Variants in TRIM45 observed in about 807,000 individuals in gnomAD.
The protein encoded by TRIM45 is tripartite motif containing 45.
Under a neutral mutation model 46.7 loss-of-function variants are expected in TRIM45, and 45 were observed. The observed-to-expected ratio is 0.96, with a 90% confidence interval of 0.76 to 1.24. TRIM45 has a LOEUF of 1.24. TRIM45 is among the 50% of genes most tolerant of loss of function. TRIM45 has a pLI of 0.00. For missense variants in TRIM45, 680 were observed against 728.4 expected, an observed-to-expected ratio of 0.93 and a Z score of 0.77; for synonymous variants, 259 against 285.8, an observed-to-expected ratio of 0.91 and a Z score of 0.94.
intron 5 of TRIM45, among the ~76,000 whole-genome samples, chr1:117,112,990 C>T (rs1650275393): frequency 6.6e-6 from 1 of 152,152 alleles, no homozygotes; most frequent in African/African-American, 2.4e-5. Context: ...TAATCATCCA[C>T]TCCCCTAGCC....
chr1:117,119,247 T>C (rs1435681490), intron 1 of TRIM45, among the ~76,000 whole-genome samples: 1 of 152,234 alleles, frequency 6.6e-6, no homozygotes, highest in Non-Finnish European at 1.5e-5. Context: ...GCATTTCTGT[T>C]GACCTGTATC....
upstream of TRIM45, chr1:117,122,001 T>C: frequency 3.5e-6 from 2 of 568,130 alleles, no homozygotes; most frequent in Non-Finnish European, 6.4e-6. Context: ...GCGAGCGGCA[T>C]AGTGTAGTCA....
chr1:117,116,533 C>A lies in TRIM45; in HGVS notation c.1352+83G>T. ...GGATTACAGGCATGAGCCACTGTGC[C>A]CAGCTCCAATATCTTAAAGGACCTC... On this transcript the variant is annotated intron_variant, in intron 3 of 5. Transcript: ENST00000256649. The surrounding 1 kb of genome is among the most constrained non-coding windows in gnomAD (Gnocchi z 4.6). The A allele has an allele frequency of 6.4e-7, 1 of 1,554,192 alleles. No individual in the cohort carries two copies. Among genetic ancestry groups the A allele is most frequent in the Non-Finnish European group, 8.7e-7 (1 of 1,144,940 alleles).
At position 117,117,975 on chromosome 1, in the gene TRIM45, T is replaced by C. The variant is rs1019622537; in HGVS notation, c.1222+59A>G. ...TTCCTAGCAGAACAAGCCACCAATCTTCACACACCACCTCCCTGTCCACTG... is the reference window on the plus strand; with the variant it reads ...TTCCTAGCAGAACAAGCCACCAATCCTCACACACCACCTCCCTGTCCACTG... On this transcript the variant is annotated intron_variant, in intron 2 of 5. Transcript: ENST00000256649. The surrounding 1 kb of genome is among the most constrained non-coding windows in gnomAD (Gnocchi z 4.9). 76 of 1,564,018 alleles carry C rather than the reference T, an allele frequency of 4.9e-5. No homozygotes were observed. The highest frequency in any genetic ancestry group is 6.1e-5 in the Non-Finnish European group (70 of 1,155,002).
intron 1 of TRIM45, 29 bp downstream of exon 1, chr1:117,120,685 C>T: frequency 6.4e-7 from 1 of 1,566,668 alleles, no homozygotes; most frequent in South Asian, 1.2e-5. Flanking sequence ...TGCTCTTAAG[C>T]TACACCTGAT....
intron 4 of TRIM45, among the ~76,000 whole-genome samples, chr1:117,114,256 C>G (rs1650320252): frequency 6.6e-6 from 1 of 152,308 alleles, no homozygotes; most frequent in South Asian, 2.1e-4. Context: ...CCCATCTGCC[C>G]CCTTTCCTTT....
At position 117,113,492 on chromosome 1, in the gene TRIM45, T is replaced by G; in HGVS notation, c.1468-7A>C. The G allele has an allele frequency of 6.2e-7, 1 of 1,611,882 alleles. No homozygotes were observed. Among genetic ancestry groups the G allele is most frequent in the Non-Finnish European group, 8.5e-7 (1 of 1,179,478 alleles). On this transcript the variant is annotated splice_polypyrimidine_tract_variant and splice_region_variant and intron_variant, in intron 4 of 5. Coordinates refer to ENST00000256649, the MANE Select transcript of TRIM45 (RefSeq NM_025188.4). This position sits in a 1 kb window ranked among gnomAD's most constrained non-coding sequence, Gnocchi z 4.0. The stretch of plus-strand genomic sequence containing the variant: ...TCACAGTGAATGGCGAGCCCTGCAG[T>G]GTTCAGACCAAAAGCAATGAACAGC...
chr1:117,114,619 T>A (rs538299783), intron 4 of TRIM45, among the ~76,000 whole-genome samples: 2 of 152,360 alleles, frequency 1.3e-5, no homozygotes, highest in South Asian at 4.1e-4. Flanking sequence ...CAACTTGGCA[T>A]TCAAAGAAAT....
In TRIM45 at chr1:117,118,515, G is replaced by A. The variant is rs145501698; in HGVS notation, c.741C>T (p.Pro247=). 3.9e-4 allele frequency: 631 copies of A among 1,614,148 alleles called. 2 individuals are homozygous for A. The African/African-American group carries it at 7.5e-3, about 19-fold the overall frequency. ...SVWELLKGTQ[P]HVEALEEALA... ...GGGCTTCCTCCAGGGCCTCCACGTG[G>A]GGCTGAGTACCTTTGAGGAGCTCCC... The change falls in exon 2 of 6, where the codon CCC becomes CCT. Residue 247 remains proline (P), a synonymous_variant. Coordinates refer to ENST00000256649, the MANE Select transcript of TRIM45 (RefSeq NM_025188.4). The surrounding 1 kb of genome is among the most constrained non-coding windows in gnomAD (Gnocchi z 5.7).
rs1650289544 is a variant in TRIM45, at chr1:117,113,363, C to T, written c.1590G>A (p.Met530Ile). ...AGGGTAGTGCTTTCTCCTTACCTGG[C>T]ATGGTGCCTCCACAGGCGCAGCGAG... The part of the protein sequence containing the change: ...KTARCACGGT[M>I]PGGYLGCGHG... Residue 530 changes from methionine to isoleucine, a missense_variant, in exon 5 of 6, where the codon ATG (methionine) becomes ATA (isoleucine). Physicochemically the swap from Met to Ile is conservative, Grantham distance 10. Coordinates refer to ENST00000256649, the MANE Select transcript of TRIM45 (RefSeq NM_025188.4). This position sits in a 1 kb window ranked among gnomAD's most constrained non-coding sequence, Gnocchi z 4.0. The T allele has an allele frequency of 1.2e-6, 2 of 1,612,042 alleles. No individual in the cohort carries two copies. The highest frequency in any genetic ancestry group is 1.7e-6 in the Non-Finnish European group (2 of 1,179,834).
chr1:117,121,621 TA>T lies in TRIM45; in HGVS notation c.-421del, dbSNP rs1272182649. On this transcript the variant is annotated 5_prime_UTR_variant, in exon 1 of 6. Transcript: ENST00000256649. The surrounding 1 kb of genome is among the most constrained non-coding windows in gnomAD (Gnocchi z 4.2). ...CCGACCCCACCCGCGCACGATGAGG[TA>T]GGGGCCCTCTTGCTCCTTCCCTCTG... The T allele has an allele frequency of 9.7e-6, 4 of 412,046 alleles. No homozygotes were observed. The highest frequency in any genetic ancestry group is 1.8e-5 in the Non-Finnish European group (4 of 228,564). The allele number at this position is 412,046 out of a possible 1,614,324, so 25.5% of individuals were successfully genotyped here. A position where few individuals can be genotyped will look rare whatever the true frequency, so the allele number is the denominator to read the frequency against.
At position 117,115,693 on chromosome 1, in the gene TRIM45, A is replaced by G. The variant is rs1650374766; in HGVS notation, c.1353-4T>C. 6.2e-7 allele frequency: 1 copy of G among 1,607,094 alleles called. No homozygotes were observed. Among genetic ancestry groups the G allele is most frequent in the Non-Finnish European group, 8.5e-7 (1 of 1,173,682 alleles). On this transcript the variant is annotated splice_region_variant and splice_polypyrimidine_tract_variant and intron_variant, in intron 3 of 5. Coordinates refer to ENST00000256649, the MANE Select transcript of TRIM45 (RefSeq NM_025188.4). This position sits in a 1 kb window ranked among gnomAD's most constrained non-coding sequence, Gnocchi z 4.2. ...CTGGACCATTGTTCTGACTGGGCTG[A>G]ATGGAGATAAGAGTCAAAACACCAC...
chr1:117,112,835 T>C (rs1650270539), intron 5 of TRIM45, among the ~76,000 whole-genome samples: 1 of 152,210 alleles, frequency 6.6e-6, no homozygotes, highest in Non-Finnish European at 1.5e-5. Context: ...CAAGTGTTTA[T>C]ACAGAAGGAT....
At chr1:117,122,273 C>G (rs953610560), upstream of TRIM45, 2 of 157,938 alleles carry the variant, frequency 1.3e-5, no homozygotes, top group African/African-American at 2.4e-5. Context: ...GGGTTTGAGG[C>G]TGCGAGGCTC....
Position 117,113,586 on chromosome 1 carries a change from T to A in TRIM45, c.1468-101A>T. 6.9e-7 allele frequency: 1 copy of A among 1,445,922 alleles called. No homozygotes were observed. The highest frequency in any genetic ancestry group is 1.4e-5 in the South Asian group (1 of 72,346). The allele number at this position is 1,445,922 out of a possible 1,614,324, so 89.6% of individuals were successfully genotyped here. A position where few individuals can be genotyped will look rare whatever the true frequency, so the allele number is the denominator to read the frequency against. ...AACAGAGTCTGAGGCACAGGGCCTG[T>A]CCTTGGATGGACAAGGACAACAGGA... On this transcript the variant is annotated intron_variant, in intron 4 of 5. Coordinates refer to ENST00000256649, the MANE Select transcript of TRIM45 (RefSeq NM_025188.4). This position sits in a 1 kb window ranked among gnomAD's most constrained non-coding sequence, Gnocchi z 4.0.
At chr1:117,122,214 C>T (rs1650678610), upstream of TRIM45, 1 of 175,002 alleles carries the variant, frequency 5.7e-6, no homozygotes, top group Non-Finnish European at 1.2e-5. Flanking sequence ...GTTTTTCGGG[C>T]TCCCGAGGTC....
chr1:117,114,187 A>G (rs1364657444), intron 4 of TRIM45, among the ~76,000 whole-genome samples: 2 of 152,248 alleles, frequency 1.3e-5, no homozygotes, highest in Admixed American at 1.3e-4. Flanking sequence ...CTGTAAAGAC[A>G]TATGGAAGGG....
Position 117,112,268 on chromosome 1 carries a change from TGCTGCCTGCA to T in TRIM45, c.*27_*36del. ...TGGGTCCTCTGGAAATCTCAAGTGG[TGCTGCCTGCA>T]GCTTTAAAAGGCTGAGCACAAACCC... On this transcript the variant is annotated 3_prime_UTR_variant, in exon 6 of 6. Transcript: ENST00000256649. 1 of 1,501,576 alleles carries T rather than the reference TGCTGCCTGCA, an allele frequency of 6.7e-7. No individual in the cohort carries two copies. Among genetic ancestry groups the T allele is most frequent in the South Asian group, 1.4e-5 (1 of 71,642 alleles). 93.0% of individuals were successfully genotyped at this position (1,501,576 alleles called of 1,614,324 possible). A position where few individuals can be genotyped will look rare whatever the true frequency, so the allele number is the denominator to read the frequency against.
Position 117,121,247 on chromosome 1 carries a change from C to A in TRIM45, c.-46G>T. 1 of 1,502,860 alleles carries A rather than the reference C, an allele frequency of 6.7e-7. No homozygotes were observed. The highest frequency in any genetic ancestry group is 8.8e-7 in the Non-Finnish European group (1 of 1,134,576). The allele number at this position is 1,502,860 out of a possible 1,614,324, so 93.1% of individuals were successfully genotyped here. On this transcript the variant is annotated 5_prime_UTR_variant, in exon 1 of 6. Coordinates refer to ENST00000256649, the MANE Select transcript of TRIM45 (RefSeq NM_025188.4). The surrounding 1 kb of genome is among the most constrained non-coding windows in gnomAD (Gnocchi z 4.2). ...ATATTAGAAAGGGCCCTGGGCAGTT[C>A]TACGATTTAGTAGCAGGTGATTAAG...
Sources: gnomAD v4.1 joint callset for allele counts (sites outside exome capture counted in the v4.1 genomes callset) on GRCh38, gnomAD v4.1.1 for gene constraint, Gnocchi (gnomAD v3.1) non-coding constraint, MANE v1.5 for transcripts, NCBI Gene and HGNC (gene_info 2026-07-23, HGNC 2026-07-21) for gene names.